Variants in NEBL observed in about 807,000 individuals in gnomAD.
The protein encoded by NEBL is nebulette, also known as LIM and SH3 protein 2.
In NEBL, 122 loss-of-function variants were observed where a neutral mutation model predicts 140.2. The observed-to-expected ratio is 0.87, with a 90% CI of 0.75 to 1.01. NEBL has a LOEUF of 1.01. NEBL is among the 50% of genes least tolerant of loss of function. The pLI, the probability that NEBL is intolerant of heterozygous loss-of-function variation, is 0.00. For synonymous variants in NEBL, 436 were observed against 398.9 expected, an observed-to-expected ratio of 1.09 and a Z score of -1.11; for missense variants, 1,365 against 1,231.3, an observed-to-expected ratio of 1.11 and a Z score of -1.62.
rs550839843 is a variant in NEBL, at chr10:20,844,958, A to G, written c.1227+300T>C. ...AAAACATTTTTTTAAAAACTGCTAT[A>G]AAGCTATAAAACTATTTATAGAGCT... On this transcript the variant is annotated intron_variant, in intron 12 of 27. Transcript: ENST00000377122. Among the ~76,000 whole-genome samples the G allele has an allele frequency of 1.7e-3, 263 of 152,214 alleles. 1 individual carries two copies. The highest frequency in any genetic ancestry group is 2.6e-3 in the Non-Finnish European group (177 of 67,970).
At chr10:21,192,130 T>C (rs1407321083) in intron 3 of NEBL, among the ~76,000 whole-genome samples, 1 of 152,164 alleles carries the variant, frequency 6.6e-6, no homozygotes, top group East Asian at 1.9e-4. Context: ...TTCTAGGCAA[T>C]GCAATTTCTA....
At chr10:20,978,652 A>G (rs1836902682) in intron 3 of NEBL, among the ~76,000 whole-genome samples, 1 of 151,918 alleles carries the variant, frequency 6.6e-6, no homozygotes, top group African/African-American at 2.4e-5. Flanking sequence ...CCAGCTACTC[A>G]GGAGGCTGAG....
chr10:20,813,825 CA>C, intron 23 of NEBL, 113 bp downstream of exon 23: 1 of 756,972 alleles, frequency 1.3e-6, no homozygotes, highest in Non-Finnish European at 2.3e-6. Flanking sequence ...AAAGACAAGC[CA>C]ACCACATTTC....
At chr10:21,251,218 G>A (rs1842584081) in intron 2 of NEBL, among the ~76,000 whole-genome samples, 1 of 152,156 alleles carries the variant, frequency 6.6e-6, no homozygotes, top group Non-Finnish European at 1.5e-5. Context: ...ACACAGTGAT[G>A]TGGCCATTTT....
chr10:20,826,534 A>G lies in NEBL; in HGVS notation c.1782T>C (p.Phe594=). 6.2e-7 allele frequency: 1 copy of G among 1,605,762 alleles called. No homozygotes were observed. Among genetic ancestry groups the G allele is most frequent in the Non-Finnish European group, 8.5e-7 (1 of 1,173,244 alleles). The stretch of plus-strand genomic sequence containing the variant: ...TGCCAGCTCCCACTTCTTTCTTATA[A>G]AATACCTTTATTATAAGAAAAGGAA... The part of the protein sequence containing the change: ...KTTQQNISAV[F]YKKEVGAGTA... The change falls in exon 18 of 28, where the codon TTT becomes TTC. Residue 594 remains phenylalanine (F), a synonymous_variant. Coordinates refer to ENST00000377122, the MANE Select transcript of NEBL (RefSeq NM_006393.3).
At chr10:20,833,669 C>A (rs551318164) in intron 14 of NEBL, among the ~76,000 whole-genome samples, 1 of 151,346 alleles carries the variant, frequency 6.6e-6, no homozygotes, top group South Asian at 2.1e-4. Context: ...TTAAGAATGT[C>A]TACTAGGACC....
At position 21,282,509 on chromosome 10, in the gene NEBL, CA is replaced by C. The variant is rs376847686; in HGVS notation, n.182+10320del. Among the ~76,000 whole-genome samples the C allele has an allele frequency of 1.2e-3, 185 of 151,672 alleles. 1 individual carries two copies. Among genetic ancestry groups the C allele is most frequent in the African/African-American group, 4.2e-3 (174 of 41,340 alleles). On this transcript the variant is annotated intron_variant and non_coding_transcript_variant, in intron 1 of 8. Transcript: ENST00000675702. ...CAGATCAAGAAGTTAAGGCCAAAGG[CA>C]GGGGGGAAAAAAAAGAAGAAGAAGC...
rs1252259259 is a variant in NEBL at position 20,850,546 on chromosome 10, T to C, written c.1009-44A>G. The C allele has an allele frequency of 3.9e-6, 5 of 1,275,770 alleles. No homozygotes were observed. In the African/African-American group the frequency reaches 4.4e-5, roughly 11 times the overall value. 79.0% of individuals were successfully genotyped at this position (1,275,770 alleles called of 1,614,324 possible). Reference sequence around the variant, plus strand: ...AGCATATACAAATCGAAAGTCCTTATACAAACAGAGCAAACTAAGAAAAAA... The same window carrying C: ...AGCATATACAAATCGAAAGTCCTTACACAAACAGAGCAAACTAAGAAAAAA... On this transcript the variant is annotated intron_variant, in intron 10 of 27. Coordinates refer to ENST00000377122, the MANE Select transcript of NEBL (RefSeq NM_006393.3).
chr10:20,954,483 T>C (rs1226773683), intron 4 of NEBL, among the ~76,000 whole-genome samples: 1 of 152,178 alleles, frequency 6.6e-6, no homozygotes, highest in African/African-American at 2.4e-5. Context: ...AAAGATGGTG[T>C]TGCAGGACTT....
chr10:20,872,735 A>C (rs1247262803), intron 5 of NEBL, among the ~76,000 whole-genome samples: 1 of 152,150 alleles, frequency 6.6e-6, no homozygotes, highest in Non-Finnish European at 1.5e-5. Context: ...CACCAAAACC[A>C]AGATGGCGAC....
intron 2 of NEBL, among the ~76,000 whole-genome samples, chr10:21,105,222 T>C (rs995382818): frequency 2.6e-5 from 4 of 152,198 alleles, no homozygotes; most frequent in Non-Finnish European, 4.4e-5. Context: ...CGGGGATACA[T>C]GTGCAGAACA....
At chr10:21,050,581 A>C (rs1329742545) in intron 2 of NEBL, among the ~76,000 whole-genome samples, 2 of 152,238 alleles carry the variant, frequency 1.3e-5, no homozygotes, top group Non-Finnish European at 2.9e-5. Flanking sequence ...CCAGCAGTAA[A>C]GCAAAATAAA....
At chr10:21,144,861 G>T (rs1839817908) in intron 2 of NEBL, among the ~76,000 whole-genome samples, 1 of 151,786 alleles carries the variant, frequency 6.6e-6, no homozygotes, top group Admixed American at 6.6e-5. Flanking sequence ...GTAAAATAGT[G>T]GTTAGCATGG....
At chr10:20,999,234 T>C (rs545641757) in intron 3 of NEBL, among the ~76,000 whole-genome samples, 18 of 150,692 alleles carry the variant, frequency 1.2e-4, no homozygotes, top group Admixed American at 2.6e-4. Flanking sequence ...ATTCCAACAA[T>C]CATTTATTGA....
intron 26 of NEBL, among the ~76,000 whole-genome samples, chr10:20,798,025 C>G (rs1392622848): frequency 6.6e-6 from 1 of 151,684 alleles, no homozygotes; most frequent in Non-Finnish European, 1.5e-5. Flanking sequence ...ATCCTTTGAC[C>G]TCAGGAGTTA....
intron 2 of NEBL, among the ~76,000 whole-genome samples, chr10:21,041,623 T>G (rs1834270161): frequency 6.6e-6 from 1 of 152,222 alleles, no homozygotes. Context: ...TATACAGCTA[T>G]ATGGCATTCC....
intron 4 of NEBL, among the ~76,000 whole-genome samples, chr10:20,931,265 T>C (rs1417093848): frequency 7.2e-5 from 11 of 152,156 alleles, no homozygotes; most frequent in Non-Finnish European, 1.6e-4. Flanking sequence ...TGCAATGAGA[T>C]TTTTAAAAAA....
At chr10:20,823,136 A>G (rs1238252009) in intron 19 of NEBL, 72 bp downstream of exon 19, 1 of 1,140,776 alleles carries the variant, frequency 8.8e-7, no homozygotes, top group African/African-American at 1.6e-5. Context: ...TTTGACCTGT[A>G]CAGGTTTTAT....
At chr10:21,227,711 T>TTCTTCTTCTTCTTTCTTCTTCTTC (rs1456600511) in intron 3 of NEBL, among the ~76,000 whole-genome samples, 1 of 46,476 alleles carries the variant, frequency 2.2e-5, no homozygotes, top group Non-Finnish European at 5.0e-5. Flanking sequence ...CTTCTTCTTC[T>TTCTTCTTCTTCTTTCTTCTTCTTC]TTCTTCTTCT....
Sources: gnomAD v4.1 joint callset for allele counts (sites outside exome capture counted in the v4.1 genomes callset) on GRCh38, gnomAD v4.1.1 for gene constraint, MANE v1.5 for transcripts, NCBI Gene and HGNC (gene_info 2026-07-23, HGNC 2026-07-21) for gene names.